PCCA: variants seen among roughly 807,000 people sequenced by gnomAD.
PCCA encodes the protein propionyl-CoA carboxylase subunit alpha.
In PCCA, 74 loss-of-function variants were observed where a neutral mutation model predicts 101.3. That is an observed-to-expected ratio of 0.73 (90% CI 0.61 to 0.89). PCCA has a LOEUF of 0.89. Among genes scored for constraint, PCCA ranks in the 40% least tolerant of loss-of-function variants. The probability of loss-of-function intolerance (pLI) is 0.00; values close to 1 mark genes in which losing one functional copy is unlikely to be tolerated. For synonymous variants in PCCA, 294 were observed against 313.6 expected (o/e 0.94, Z 0.66); for missense variants, 891 against 907.0 (o/e 0.98, Z 0.23).
chr13:100,127,450 A>T (rs752785766), intron 4 of PCCA, among the ~76,000 whole-genome samples: 3 of 152,208 alleles, frequency 2.0e-5, no homozygotes, highest in Non-Finnish European at 4.4e-5. Context: ...GTAAACTTAA[A>T]CAACATGGTT....
intron 7 of PCCA, among the ~76,000 whole-genome samples, chr13:100,231,000 C>G (rs1471789450): frequency 6.6e-6 from 1 of 152,216 alleles, no homozygotes; most frequent in Non-Finnish European, 1.5e-5. Flanking sequence ...CCTCTCTCTT[C>G]AGGTCCCAGA....
intron 21 of PCCA, among the ~76,000 whole-genome samples, chr13:100,486,721 T>C (rs55857677): frequency 0.22 from 33,075 of 152,168 alleles, 4,796 homozygotes; most frequent in East Asian, 0.56. Context: ...GCGACTAGAC[T>C]GGGCAACCTA....
chr13:100,397,308 CTGAG>C (rs1435651665), intron 19 of PCCA, among the ~76,000 whole-genome samples: 1 of 152,162 alleles, frequency 6.6e-6, no homozygotes, highest in African/African-American at 2.4e-5. Context: ...TGTAACTTCT[CTGAG>C]TGTCAGATTT....
chr13:100,478,661 C>A (rs554194639), intron 21 of PCCA, among the ~76,000 whole-genome samples: 2 of 152,158 alleles, frequency 1.3e-5, no homozygotes, highest in Non-Finnish European at 2.9e-5. Flanking sequence ...CACAGCCAGG[C>A]GTACTGTAGC....
chr13:100,258,402 C>T (rs887530751), intron 9 of PCCA, among the ~76,000 whole-genome samples: 1 of 152,154 alleles, frequency 6.6e-6, no homozygotes, highest in Non-Finnish European at 1.5e-5. Flanking sequence ...TCTGCCACAG[C>T]CCGTTTTGTG....
At chr13:100,408,604 C>T (rs529883041) in intron 19 of PCCA, among the ~76,000 whole-genome samples, 1 of 152,280 alleles carries the variant, frequency 6.6e-6, no homozygotes, top group East Asian at 1.9e-4. Context: ...GGGTGGGGCC[C>T]TTTAAGAGAC....
chr13:100,159,104 TTTTTTTTG>T (rs1388305224), intron 6 of PCCA, among the ~76,000 whole-genome samples: 5 of 134,894 alleles, frequency 3.7e-5, no homozygotes, highest in African/African-American at 1.4e-4. Flanking sequence ...TTTTTTTTTT[TTTTTTTTG>T]AGACATAGCC....
In PCCA at chr13:100,468,049, C is replaced by T. The variant is rs1378199003; in HGVS notation, c.1899+18744C>T. Among the ~76,000 whole-genome samples, 4 of 152,238 alleles carry T rather than the reference C, an allele frequency of 2.6e-5. No homozygotes were observed. The East Asian group carries it at 7.7e-4, about 29-fold the overall frequency. ...GTCGTGTTAGCAGGCACAAAAACCA[C>T]ATTCATCTCCTTGTATATCTCCGTC... On this transcript the variant is annotated intron_variant, in intron 21 of 23. Coordinates refer to ENST00000376285, the MANE Select transcript of PCCA (RefSeq NM_000282.4).
intron 19 of PCCA, among the ~76,000 whole-genome samples, chr13:100,381,893 G>A (rs1422801162): frequency 6.6e-6 from 1 of 152,234 alleles, no homozygotes; most frequent in Non-Finnish European, 1.5e-5. Flanking sequence ...CAGAGCAAGT[G>A]CTTTTGGGCG....
chr13:100,183,706 G>A (rs1024307194), intron 6 of PCCA, among the ~76,000 whole-genome samples: 1 of 152,158 alleles, frequency 6.6e-6, no homozygotes, highest in Non-Finnish European at 1.5e-5. Context: ...GCAGAAAAAG[G>A]GGTGCTGCAT....
intron 20 of PCCA, among the ~76,000 whole-genome samples, chr13:100,426,800 ATTATATAACT>A (rs1474656334): frequency 2.0e-5 from 3 of 151,998 alleles, no homozygotes; most frequent in African/African-American, 7.2e-5. Flanking sequence ...CTTAACTCAT[ATTATATAACT>A]TTATATAATA....
chr13:100,336,640 T>C (rs1041393624), intron 17 of PCCA, among the ~76,000 whole-genome samples: 1 of 152,192 alleles, frequency 6.6e-6, no homozygotes, highest in African/African-American at 2.4e-5. Flanking sequence ...CAAATACTTA[T>C]AGAGCCTGTT....
At chr13:100,408,469 T>TA (rs1486463119) in intron 19 of PCCA, among the ~76,000 whole-genome samples, 1 of 152,244 alleles carries the variant, frequency 6.6e-6, no homozygotes, top group Non-Finnish European at 1.5e-5. Context: ...TCACAGTTTT[T>TA]ATCTTCCCTT....
chr13:100,493,359 C>T (rs12431051), intron 21 of PCCA, among the ~76,000 whole-genome samples: 35,666 of 152,094 alleles, frequency 0.23, 5,021 homozygotes, highest in East Asian at 0.55. Context: ...GAGGTGTGCG[C>T]TGCCCCACCA....
At chr13:100,232,504 C>A (rs1261230029) in intron 7 of PCCA, among the ~76,000 whole-genome samples, 1 of 152,016 alleles carries the variant, frequency 6.6e-6, no homozygotes, top group Non-Finnish European at 1.5e-5. Context: ...CCTCAGCCTC[C>A]CAAGTAGCTG....
intron 16 of PCCA, among the ~76,000 whole-genome samples, chr13:100,312,056 T>C (rs1021856706): frequency 6.6e-6 from 1 of 152,196 alleles, no homozygotes; most frequent in African/African-American, 2.4e-5. Flanking sequence ...TTATCTTGTT[T>C]GTATGCATAT....
At chr13:100,529,670 C>CT (rs959378860) in intron 23 of PCCA, among the ~76,000 whole-genome samples, 9 of 152,126 alleles carry the variant, frequency 5.9e-5, no homozygotes, top group African/African-American at 2.2e-4. Flanking sequence ...TGTTTTGTTC[C>CT]TTTTTTTCTT....
intron 11 of PCCA, 62 bp downstream of exon 11, chr13:100,268,845 T>G: frequency 8.9e-7 from 1 of 1,125,186 alleles, no homozygotes; most frequent in Non-Finnish European, 1.4e-6. Flanking sequence ...CATTCATTCA[T>G]TCATTCATCA....
intron 20 of PCCA, among the ~76,000 whole-genome samples, chr13:100,435,049 T>G (rs1567131194): frequency 6.6e-6 from 1 of 152,178 alleles, no homozygotes; most frequent in East Asian, 1.9e-4. Context: ...CCCCTGTGAT[T>G]CCATGAAAAG....
Sources: gnomAD v4.1 joint callset for allele counts (sites outside exome capture counted in the v4.1 genomes callset) on GRCh38, gnomAD v4.1.1 for gene constraint, MANE v1.5 for transcripts, NCBI Gene and HGNC (gene_info 2026-07-23, HGNC 2026-07-21) for gene names.